BCL2A1: variants seen among roughly 807,000 people sequenced by gnomAD.
BCL2A1 encodes the protein bcl-2-related protein A1.
BCL2A1 carries 10 observed loss-of-function variants against 14.4 expected under a neutral mutation model. That is an observed-to-expected ratio of 0.69 (90% CI 0.43 to 1.18). The LOEUF is 1.18. Among genes scored for constraint, BCL2A1 ranks in the 50% most tolerant of loss-of-function variants. BCL2A1 has a pLI of 0.00. For synonymous variants in BCL2A1, 71 were observed against 76.5 expected, an observed-to-expected ratio of 0.93 and a Z score of 0.38; for missense variants, 158 against 205.0, an observed-to-expected ratio of 0.77 and a Z score of 1.40.
At chr15:79,964,429 A>G (rs1229963025) in intron 1 of BCL2A1, among the ~76,000 whole-genome samples, 1 of 152,206 alleles carries the variant, frequency 6.6e-6, no homozygotes, top group Non-Finnish European at 1.5e-5. Context: ...AGATTGCGCC[A>G]CTGCACTCCA....
chr15:79,970,551 G>T, intron 1 of BCL2A1, 149 bp downstream of exon 1: 2 of 808,534 alleles, frequency 2.5e-6, no homozygotes, highest in East Asian at 2.8e-5. Flanking sequence ...AAGCCAGAAA[G>T]TATATTTTTA....
chr15:79,961,089 G>A lies in BCL2A1; in HGVS notation c.506C>T (p.Ser169Phe). ...TGGTCAACAGTATTGCTTCAGGAGA[G>A]ATAGCATTTCACAGATCTTTCCTGT... ...EVTGKICEMLSLLKQYC is the reference protein window; with the variant it reads ...EVTGKICEMLFLLKQYC Residue 169 changes from serine (S) to phenylalanine (F), a missense_variant, in exon 2 of 2, where the codon TCT becomes TTT. Coordinates refer to ENST00000267953, the MANE Select transcript of BCL2A1 (RefSeq NM_004049.4). The A allele has an allele frequency of 6.2e-7, 1 of 1,614,086 alleles. No individual in the cohort carries two copies. The highest frequency in any genetic ancestry group is 8.5e-7 in the Non-Finnish European group (1 of 1,179,976).
At chr15:79,968,417 G>T (rs1214573189) in intron 1 of BCL2A1, among the ~76,000 whole-genome samples, 1 of 152,182 alleles carries the variant, frequency 6.6e-6, no homozygotes, top group Non-Finnish European at 1.5e-5. Flanking sequence ...GATTCGCCCA[G>T]CCTCAGTCAG....
intron 1 of BCL2A1, among the ~76,000 whole-genome samples, chr15:79,967,246 T>C (rs1000456148): frequency 2.2e-5 from 3 of 135,576 alleles, no homozygotes; most frequent in Non-Finnish European, 3.1e-5. Flanking sequence ...TTTTTTGAGA[T>C]GGAGTCACTC....
chr15:79,961,705 AG>A (rs2035492337), intron 1 of BCL2A1, among the ~76,000 whole-genome samples: 2 of 152,236 alleles, frequency 1.3e-5, no homozygotes, highest in African/African-American at 4.8e-5. Context: ...GAGAACTCAC[AG>A]TAAATCCAAA....
chr15:79,964,742 A>G (rs975736283), intron 1 of BCL2A1, among the ~76,000 whole-genome samples: 1 of 152,228 alleles, frequency 6.6e-6, no homozygotes, highest in Non-Finnish European at 1.5e-5. Flanking sequence ...TATGAAGGCA[A>G]TAAAGTTGGG....
chr15:79,962,024 C>T (rs372439890), intron 1 of BCL2A1, among the ~76,000 whole-genome samples: 12 of 152,322 alleles, frequency 7.9e-5, no homozygotes, highest in African/African-American at 2.9e-4. Context: ...CTTTCCACTC[C>T]ATACATTTCC....
At chr15:79,962,696 C>T (rs983557937) in intron 1 of BCL2A1, among the ~76,000 whole-genome samples, 1 of 151,888 alleles carries the variant, frequency 6.6e-6, no homozygotes, top group Admixed American at 6.6e-5. Context: ...TACAGACGCG[C>T]ACCACCATGC....
chr15:79,964,204 T>G (rs1346655558), intron 1 of BCL2A1, among the ~76,000 whole-genome samples: 1 of 152,200 alleles, frequency 6.6e-6, no homozygotes. Context: ...TTTCTGGGAA[T>G]GGTGATAGTT....
In BCL2A1 at chr15:79,971,012, C is replaced by T. The variant is rs761288433; in HGVS notation, c.108G>A (p.Val36=). 5 of 1,614,230 alleles carry T rather than the reference C, an allele frequency of 3.1e-6. No homozygotes were observed. In the East Asian group the frequency reaches 1.1e-4, roughly 36 times the overall value. ...PGSGPSKTSR[V]LQNVAFSVQK... is the part of the protein sequence containing the mutation. Reference sequence around the variant, plus strand: ...GGACTGAGAACGCAACATTTTGTAGCACTCTGGACGTTTTGCTTGGACCTG... The same window carrying T: ...GGACTGAGAACGCAACATTTTGTAGTACTCTGGACGTTTTGCTTGGACCTG... The change falls in exon 1 of 2, where the codon GTG becomes GTA. Residue 36 remains valine (V), a synonymous_variant. Transcript: ENST00000267953.
At chr15:79,969,746 C>G (rs1358865580) in intron 1 of BCL2A1, among the ~76,000 whole-genome samples, 2 of 151,818 alleles carry the variant, frequency 1.3e-5, no homozygotes, top group African/African-American at 4.8e-5. Flanking sequence ...TTATATAAAA[C>G]TTTTTTTACA....
chr15:79,963,018 G>A (rs1221291943), intron 1 of BCL2A1, among the ~76,000 whole-genome samples: 2 of 150,364 alleles, frequency 1.3e-5, no homozygotes, highest in Non-Finnish European at 3.0e-5. Context: ...GTCTTGCTCT[G>A]CCACCCAGGC....
chr15:79,967,767 A>G (rs1013590067), intron 1 of BCL2A1: 1 of 985,658 alleles, frequency 1.0e-6, no homozygotes, highest in African/African-American at 1.6e-5. Flanking sequence ...AGATGATAAC[A>G]GTTTTCCATG....
rs201030401 is a variant in BCL2A1 at position 79,961,031 on chromosome 15, T to G, written c.*36A>C. ...ATCGTTTCCATATCAGTCAGAAAAA[T>G]TAGGCCGGTTTCACAATATGGAGTG... On this transcript the variant is annotated 3_prime_UTR_variant, in exon 2 of 2. Transcript: ENST00000267953. 6.2e-7 allele frequency: 1 copy of G among 1,610,964 alleles called. No homozygotes were observed. The highest frequency in any genetic ancestry group is 2.2e-5 in the East Asian group (1 of 44,842).
chr15:79,967,253 A>C (rs2035551175), intron 1 of BCL2A1, among the ~76,000 whole-genome samples: 1 of 127,634 alleles, frequency 7.8e-6, no homozygotes, highest in African/African-American at 3.1e-5. Context: ...AGATGGAGTC[A>C]CTCTGTTGCC....
At chr15:79,962,799 G>T (rs2035503300) in intron 1 of BCL2A1, among the ~76,000 whole-genome samples, 2 of 151,882 alleles carry the variant, frequency 1.3e-5, no homozygotes, top group Admixed American at 1.3e-4. Context: ...ACTCACCTCG[G>T]CCTCACAAAG....
intron 1 of BCL2A1, among the ~76,000 whole-genome samples, 174 bp from the exon 2 acceptor site, chr15:79,961,348 AT>A (rs2035489231): frequency 6.6e-6 from 1 of 152,202 alleles, no homozygotes; most frequent in Non-Finnish European, 1.5e-5. Context: ...TGTAATTTAA[AT>A]TTTTTTGTAG....
intron 1 of BCL2A1, among the ~76,000 whole-genome samples, chr15:79,962,265 A>T (rs1293388508): frequency 6.6e-6 from 1 of 152,120 alleles, no homozygotes. Flanking sequence ...TATGAGCATC[A>T]CTGGCAAAGC....
At chr15:79,967,669 A>T (rs994903767) in intron 1 of BCL2A1, 2 of 1,589,054 alleles carry the variant, frequency 1.3e-6, no homozygotes, top group African/African-American at 2.7e-5. Flanking sequence ...CTACCAGCAT[A>T]GGTGTGTGAT....
Sources: gnomAD v4.1 joint callset for allele counts (sites outside exome capture counted in the v4.1 genomes callset) on GRCh38, gnomAD v4.1.1 for gene constraint, MANE v1.5 for transcripts, NCBI Gene and HGNC (gene_info 2026-07-23, HGNC 2026-07-21) for gene names.